PTPRN2: variants seen among roughly 807,000 people sequenced by gnomAD.
The protein encoded by PTPRN2 is receptor-type tyrosine-protein phosphatase N2.
In PTPRN2, 74 loss-of-function variants were observed where a neutral mutation model predicts 118.8. The ratio of observed to expected loss-of-function variants is 0.62; its 90% CI spans 0.52 to 0.76. PTPRN2 has a LOEUF of 0.76. Among genes scored for constraint, PTPRN2 ranks in the 30% least tolerant of loss-of-function variants. The probability of loss-of-function intolerance (pLI) is 0.00; values close to 1 mark genes in which losing one functional copy is unlikely to be tolerated. For synonymous variants in PTPRN2, 641 were observed against 608.0 expected (o/e 1.05, Z -0.80); for missense variants, 1,481 against 1,394.4 (o/e 1.06, Z -0.99).
chr7:158,062,830 C>T (rs1391017395), intron 11 of PTPRN2, among the ~76,000 whole-genome samples: 4 of 152,206 alleles, frequency 2.6e-5, no homozygotes, highest in African/African-American at 9.6e-5. Flanking sequence ...GCGGGATCTG[C>T]AGCCCACCAT....
rs149053887 is a variant in PTPRN2, at chr7:158,456,844, G to A, written c.163+32891C>T. On this transcript the variant is annotated intron_variant, in intron 2 of 22. Transcript: ENST00000389418. ...GGCTGGACGGCGGTGACACAATCAC[G>A]ACTCACTGCAGCCTCCACCTCCTGG... 2.0e-4 allele frequency among the ~76,000 whole-genome samples: 31 copies of A among 152,166 alleles called. No homozygotes were observed. In the East Asian group the frequency reaches 4.1e-3, roughly 20 times the overall value.
At chr7:157,597,482 G>GT (rs1044242059) in intron 16 of PTPRN2, among the ~76,000 whole-genome samples, 1 of 146,438 alleles carries the variant, frequency 6.8e-6, no homozygotes, top group Non-Finnish European at 1.5e-5. Flanking sequence ...GTGTGTGTGT[G>GT]TGTTTTTTTT....
At chr7:158,506,474 C>A (rs1822754774) in intron 1 of PTPRN2, among the ~76,000 whole-genome samples, 1 of 152,124 alleles carries the variant, frequency 6.6e-6, no homozygotes, top group South Asian at 2.1e-4. Context: ...CTGAGCCAAG[C>A]ACACGGGAGA....
intron 2 of PTPRN2, among the ~76,000 whole-genome samples, chr7:158,471,683 G>A (rs564714481): frequency 2.0e-5 from 3 of 151,436 alleles, no homozygotes; most frequent in East Asian, 1.9e-4. Context: ...GCGAGACTCC[G>A]TCTCAAAAAA....
At chr7:157,545,086 T>C (rs1290228951) in intron 22 of PTPRN2, among the ~76,000 whole-genome samples, 7 of 138,168 alleles carry the variant, frequency 5.1e-5, no homozygotes, top group Non-Finnish European at 1.6e-5. Context: ...TGTGTGTGGG[T>C]GTGCACCCCG....
intron 1 of PTPRN2, among the ~76,000 whole-genome samples, chr7:158,557,348 A>ACGGCTCCCACGCAGGTCAGG (rs1563432159): frequency 5.3e-5 from 5 of 93,700 alleles, no homozygotes; most frequent in African/African-American, 2.1e-4. Flanking sequence ...CGCAGGTCAG[A>ACGGCTCCCACGCAGGTCAGG]CGGCTCCCAC....
At chr7:157,771,807 A>G in intron 12 of PTPRN2, among the ~76,000 whole-genome samples, 1 of 146,364 alleles carries the variant, frequency 6.8e-6, no homozygotes, top group South Asian at 2.1e-4. Flanking sequence ...AGACACAAAC[A>G]CACAGACACA....
At chr7:158,308,812 T>C (rs934435447) in intron 3 of PTPRN2, among the ~76,000 whole-genome samples, 22 of 151,986 alleles carry the variant, frequency 1.4e-4, no homozygotes, top group African/African-American at 4.6e-4. Flanking sequence ...CTTACAGACA[T>C]AAAAATTACA....
intron 10 of PTPRN2, among the ~76,000 whole-genome samples, chr7:158,085,508 C>T (rs545685267): frequency 3.2e-4 from 44 of 135,984 alleles, no homozygotes; most frequent in African/African-American, 1.2e-3. Flanking sequence ...ACACCCATGA[C>T]GCCCATCCAC....
At chr7:158,090,267 A>C (rs1229068757) in intron 10 of PTPRN2, among the ~76,000 whole-genome samples, 5 of 151,992 alleles carry the variant, frequency 3.3e-5, no homozygotes, top group Admixed American at 3.3e-4. Flanking sequence ...ATGTGTTCAC[A>C]TGGGTCCTAT....
intron 2 of PTPRN2, among the ~76,000 whole-genome samples, chr7:158,356,644 T>C (rs1172330514): frequency 6.6e-6 from 1 of 152,116 alleles, no homozygotes; most frequent in African/African-American, 2.4e-5. Flanking sequence ...GGCACCACCA[T>C]CCAGGCACCA....
chr7:157,700,389 AC>A (rs1361506880), intron 12 of PTPRN2, among the ~76,000 whole-genome samples: 2 of 152,216 alleles, frequency 1.3e-5, no homozygotes, highest in African/African-American at 4.8e-5. Flanking sequence ...CACGTTCGCA[AC>A]AGAGTCAGTT....
chr7:158,380,283 T>A (rs936310112), intron 2 of PTPRN2, among the ~76,000 whole-genome samples: 1 of 152,180 alleles, frequency 6.6e-6, no homozygotes, highest in Non-Finnish European at 1.5e-5. Flanking sequence ...CCCTTCCACC[T>A]ATGAGCCTGT....
At chr7:158,323,801 G>A (rs1803231277) in intron 2 of PTPRN2, among the ~76,000 whole-genome samples, 1 of 152,090 alleles carries the variant, frequency 6.6e-6, no homozygotes, top group Non-Finnish European at 1.5e-5. Flanking sequence ...TAGTCTGTGG[G>A]GCTGCATACC....
intron 2 of PTPRN2, among the ~76,000 whole-genome samples, chr7:158,421,708 T>C (rs1296789789): frequency 2.0e-5 from 3 of 152,100 alleles, no homozygotes; most frequent in Non-Finnish European, 4.4e-5. Context: ...AATCGTGGAG[T>C]AAATTGCTAG....
At chr7:158,307,758 T>A (rs1338111399) in intron 3 of PTPRN2, among the ~76,000 whole-genome samples, 1 of 152,186 alleles carries the variant, frequency 6.6e-6, no homozygotes, top group African/African-American at 2.4e-5. Context: ...TGAAGTTTAA[T>A]CCCTAATTTG....
intron 2 of PTPRN2, among the ~76,000 whole-genome samples, chr7:158,416,807 G>T (rs77284531): frequency 1.3e-5 from 2 of 152,296 alleles, no homozygotes; most frequent in South Asian, 4.1e-4. Flanking sequence ...TGAGGGAAAC[G>T]ATGATATCCA....
At chr7:157,911,318 G>A (rs904104493) in intron 11 of PTPRN2, among the ~76,000 whole-genome samples, 2 of 152,158 alleles carry the variant, frequency 1.3e-5, no homozygotes. Flanking sequence ...ATGCAAAGAC[G>A]CTCATTTCTA....
At chr7:157,782,097 G>T (rs973187659) in intron 12 of PTPRN2, among the ~76,000 whole-genome samples, 21 of 152,352 alleles carry the variant, frequency 1.4e-4, no homozygotes, top group African/African-American at 5.1e-4. Flanking sequence ...GGCTGGCTTT[G>T]CCAAAGGTGT....
Sources: allele counts gnomAD v4.1 joint callset (sites outside exome capture counted in the v4.1 genomes callset), GRCh38; gene constraint gnomAD v4.1.1; transcripts MANE v1.5; gene names NCBI Gene and HGNC (gene_info 2026-07-23, HGNC 2026-07-21).